The following DLEU7 variants were observed in gnomAD, a reference collection of about 807,000 sequenced individuals.
DLEU7 encodes leukemia-associated protein 7.
DLEU7 carries 17 observed loss-of-function variants against 16.0 expected under a neutral mutation model. The observed-to-expected ratio is 1.06, with a 90% CI of 0.73 to 1.59. The LOEUF (loss-of-function observed/expected upper bound fraction) is 1.59. Ranked by LOEUF, DLEU7 falls within the 40% of genes most tolerant of loss-of-function variation. The probability of loss-of-function intolerance (pLI) is 0.00; values close to 1 mark genes in which losing one functional copy is unlikely to be tolerated. For synonymous variants in DLEU7, 113 were observed against 139.8 expected, an observed-to-expected ratio of 0.81 and a Z score of 1.35; for missense variants, 308 against 314.9, an observed-to-expected ratio of 0.98 and a Z score of 0.17.
intron 1 of DLEU7, among the ~76,000 whole-genome samples, chr13:50,788,382 G>C (rs1031354982): frequency 6.6e-6 from 1 of 152,140 alleles, no homozygotes; most frequent in Non-Finnish European, 1.5e-5. Flanking sequence ...CATTCCCCCA[G>C]ACCCTCCTGT....
At chr13:50,801,390 G>T (rs1876243274) in intron 1 of DLEU7, among the ~76,000 whole-genome samples, 1 of 152,068 alleles carries the variant, frequency 6.6e-6, no homozygotes, top group Non-Finnish European at 1.5e-5. Flanking sequence ...CGGAGCTGTT[G>T]TTCATACTTC....
chr13:50,838,270 G>A (rs915744124), intron 1 of DLEU7, among the ~76,000 whole-genome samples: 1 of 152,108 alleles, frequency 6.6e-6, no homozygotes, highest in Non-Finnish European at 1.5e-5. Flanking sequence ...CATTGAAACG[G>A]GTGAGCTCAC....
intron 1 of DLEU7, among the ~76,000 whole-genome samples, chr13:50,760,174 T>C (rs1874885788): frequency 6.6e-6 from 1 of 152,228 alleles, no homozygotes; most frequent in East Asian, 1.9e-4. Context: ...GTTCATCTTA[T>C]AAATCCTATT....
chr13:50,829,342 A>G (rs1001720455), intron 1 of DLEU7, among the ~76,000 whole-genome samples: 4 of 152,224 alleles, frequency 2.6e-5, no homozygotes, highest in Non-Finnish European at 4.4e-5. Context: ...GAAGTAATCC[A>G]ATACTAACTA....
chr13:50,764,878 T>C (rs549825566), intron 1 of DLEU7, among the ~76,000 whole-genome samples: 1 of 150,440 alleles, frequency 6.6e-6, no homozygotes, highest in Admixed American at 6.6e-5. Flanking sequence ...TTTGGGTTTG[T>C]TTTGTTTTGT....
intron 1 of DLEU7, among the ~76,000 whole-genome samples, chr13:50,814,290 G>A (rs1283672349): frequency 6.6e-6 from 1 of 151,926 alleles, no homozygotes; most frequent in Non-Finnish European, 1.5e-5. Context: ...GAGCAACCCA[G>A]ACGAATCATC....
chr13:50,842,779 A>T (rs1198485154), intron 1 of DLEU7, among the ~76,000 whole-genome samples: 1 of 152,202 alleles, frequency 6.6e-6, no homozygotes, highest in East Asian at 1.9e-4. Context: ...GGCAGAAGGG[A>T]CTTAGTAAGT....
intron 1 of DLEU7, among the ~76,000 whole-genome samples, chr13:50,812,250 T>C (rs1876592178): frequency 6.6e-6 from 1 of 152,100 alleles, no homozygotes; most frequent in African/African-American, 2.4e-5. Context: ...TGATGGTGTG[T>C]AGAAGGGGCT....
At chr13:50,748,157 C>T (rs758087269) in intron 1 of DLEU7, among the ~76,000 whole-genome samples, 13 of 151,526 alleles carry the variant, frequency 8.6e-5, no homozygotes, top group East Asian at 1.9e-4. Flanking sequence ...ATACAGAGAA[C>T]GCTCATATGA....
At chr13:50,776,705 A>C (rs1170973775) in intron 1 of DLEU7, among the ~76,000 whole-genome samples, 2 of 151,084 alleles carry the variant, frequency 1.3e-5, no homozygotes, top group Non-Finnish European at 1.5e-5. Flanking sequence ...GCTTTATCTC[A>C]CTCTTTAAAG....
At chr13:50,775,437 GA>G (rs960836839) in intron 1 of DLEU7, among the ~76,000 whole-genome samples, 13 of 152,162 alleles carry the variant, frequency 8.5e-5, no homozygotes, top group African/African-American at 3.1e-4. Context: ...AACTTATCAG[GA>G]CTTGAATTCC....
At chr13:50,721,255 C>G (rs1449370227) in intron 1 of DLEU7, among the ~76,000 whole-genome samples, 1 of 152,198 alleles carries the variant, frequency 6.6e-6, no homozygotes, top group African/African-American at 2.4e-5. Flanking sequence ...CAGGGGCTCT[C>G]GGGCCTTCGG....
At chr13:50,825,121 AT>A (rs1305508221) in intron 1 of DLEU7, among the ~76,000 whole-genome samples, 1 of 151,824 alleles carries the variant, frequency 6.6e-6, no homozygotes, top group Admixed American at 6.6e-5. Flanking sequence ...TGAGATGATA[AT>A]TTTTTTTAGT....
intron 1 of DLEU7, among the ~76,000 whole-genome samples, chr13:50,767,624 G>C (rs513352): frequency 2.6e-5 from 4 of 152,134 alleles, no homozygotes; most frequent in African/African-American, 9.7e-5. Flanking sequence ...ACCTGGGACA[G>C]CTATTGTAGG....
chr13:50,766,523 C>T (rs1318066415), intron 1 of DLEU7, among the ~76,000 whole-genome samples: 1 of 152,116 alleles, frequency 6.6e-6, no homozygotes, highest in Non-Finnish European at 1.5e-5. Flanking sequence ...TCTCCTTCCA[C>T]ACCACTTACC....
downstream of DLEU7, among the ~76,000 whole-genome samples, chr13:50,819,476 GAA>G (rs1876832516): frequency 6.6e-6 from 1 of 152,168 alleles, no homozygotes; most frequent in Non-Finnish European, 1.5e-5. Context: ...AGAGAGCAGA[GAA>G]ATACTATGAC....
Position 50,727,258 on chromosome 13 carries a change from C to T in DLEU7, c.460-14018G>A, listed in dbSNP as rs79130392. On this transcript the variant is annotated intron_variant, in intron 1 of 1. Transcript: ENST00000400393. Reference sequence around the variant, plus strand: ...GAGTGTGTGTGAGCAAGGAGGTTTCCGAATGTATGAAGAGGCAGAGATTGA... The same window carrying T: ...GAGTGTGTGTGAGCAAGGAGGTTTCTGAATGTATGAAGAGGCAGAGATTGA... 1.5e-3 allele frequency among the ~76,000 whole-genome samples: 222 copies of T among 151,618 alleles called. 5 individuals carry two copies. In the East Asian group the frequency reaches 0.042, roughly 29 times the overall value.
At chr13:50,724,375 C>G (rs1873707556) in intron 1 of DLEU7, among the ~76,000 whole-genome samples, 1 of 151,988 alleles carries the variant, frequency 6.6e-6, no homozygotes, top group Admixed American at 6.6e-5. Context: ...CATCTTTTAT[C>G]CCTGGGGCTC....
chr13:50,733,636 C>A (rs929354545), intron 1 of DLEU7, among the ~76,000 whole-genome samples: 2 of 152,132 alleles, frequency 1.3e-5, no homozygotes, highest in African/African-American at 4.8e-5. Context: ...CATTTCCTGT[C>A]TCATATCTCT....
Sources: gnomAD v4.1 joint callset for allele counts (sites outside exome capture counted in the v4.1 genomes callset) on GRCh38, gnomAD v4.1.1 for gene constraint, MANE v1.5 for transcripts, NCBI Gene and HGNC (gene_info 2026-07-23, HGNC 2026-07-21) for gene names.